ARHGEF40: variants seen among roughly 807,000 people sequenced by gnomAD.
ARHGEF40 encodes Rho guanine nucleotide exchange factor 40, also known as Rho guanine nucleotide exchange factor (GEF) 40.
ARHGEF40 carries 98 observed loss-of-function variants against 165.9 expected under a neutral mutation model. That is an observed-to-expected ratio of 0.59 (90% CI 0.50 to 0.70). The LOEUF is 0.70. Ranked by LOEUF, ARHGEF40 falls within the 30% of genes least tolerant of loss-of-function variation. The pLI is 0.00. For missense variants in ARHGEF40, 1,815 were observed against 1,968.0 expected, an observed-to-expected ratio of 0.92 and a Z score of 1.47; for synonymous variants, 792 against 814.3, an observed-to-expected ratio of 0.97 and a Z score of 0.47.
intron 21 of ARHGEF40, 123 bp from the exon 22 acceptor site, chr14:21,087,845 C>T (rs1284675931): frequency 1.5e-6 from 2 of 1,348,222 alleles, no homozygotes; most frequent in Non-Finnish European, 2.1e-6. Context: ...GCAACTGGAT[C>T]GCTATGGTGA....
chr14:21,067,563 A>G (rs1320140276), upstream of ARHGEF40, among the ~76,000 whole-genome samples: 1 of 152,206 alleles, frequency 6.6e-6, no homozygotes. Context: ...AATAAGCTGC[A>G]ATTTCTTCTG....
chr14:21,082,717 C>T, intron 15 of ARHGEF40, 114 bp from the exon 16 acceptor site: 6 of 1,183,580 alleles, frequency 5.1e-6, no homozygotes, highest in Non-Finnish European at 7.3e-6. Context: ...AGGCTGAGTG[C>T]TCCCTGGTGA....
upstream of ARHGEF40, among the ~76,000 whole-genome samples, chr14:21,070,115 G>T (rs958989664): frequency 6.6e-6 from 1 of 151,758 alleles, no homozygotes; most frequent in Non-Finnish European, 1.5e-5. This position sits in a 1 kb window ranked among gnomAD's most constrained non-coding sequence, Gnocchi z 4.7. Flanking sequence ...GGCTGGGGAC[G>T]CCCGGGGAAC....
the ARHGEF40 span, among the ~76,000 whole-genome samples, chr14:21,063,858 A>G: frequency 6.6e-6 from 1 of 152,228 alleles, no homozygotes; most frequent in Non-Finnish European, 1.5e-5. Context: ...AAAATTTTTC[A>G]GTGAGAGGGA....
chr14:21,067,526 G>A (rs1327220618), upstream of ARHGEF40, among the ~76,000 whole-genome samples: 2 of 152,228 alleles, frequency 1.3e-5, no homozygotes, highest in African/African-American at 4.8e-5. Context: ...CATTTACTGT[G>A]TAGCTTAGAG....
rs1233548207 is a variant in ARHGEF40 at position 21,075,806 on chromosome 14, C to T, written c.1739+41C>T. On this transcript the variant is annotated intron_variant, in intron 5 of 23. Coordinates refer to ENST00000298694, the MANE Select transcript of ARHGEF40 (RefSeq NM_018071.5). This position sits in a 1 kb window ranked among gnomAD's most constrained non-coding sequence, Gnocchi z 4.5. ...TCCTGGCACCCTGGACACTAACCTC[C>T]TGATTCATGAGGACCCTCACCTCCT... is the stretch of plus-strand genomic sequence containing the variant. The T allele has an allele frequency of 6.3e-7, 1 of 1,595,252 alleles. No homozygotes were observed.
Position 21,084,057 on chromosome 14 carries a change from C to G in ARHGEF40, c.3789+7C>G. The stretch of plus-strand genomic sequence containing the variant: ...GGCGGTGCGTGGCTGTGAGGTGAGG[C>G]CCTAGCTCCAGTCACTGCTGCTCAA... On this transcript the variant is annotated splice_region_variant and intron_variant, in intron 17 of 23. Transcript: ENST00000298694. The G allele has an allele frequency of 6.3e-7, 1 of 1,597,022 alleles. No individual in the cohort carries two copies. The highest frequency in any genetic ancestry group is 8.5e-7 in the Non-Finnish European group (1 of 1,172,390).
Position 21,076,548 on chromosome 14 carries a change from C to G in ARHGEF40, c.1837-15C>G. The G allele has an allele frequency of 6.2e-7, 1 of 1,614,170 alleles. No homozygotes were observed. Among genetic ancestry groups the G allele is most frequent in the Middle Eastern group, 1.6e-4 (1 of 6,062 alleles). Reference sequence around the variant, plus strand: ...CCCGATTGCCCAGTTTAGGGTTATTCTTTTCTGCCCTTAGGACTCAGGAGA... The same window carrying G: ...CCCGATTGCCCAGTTTAGGGTTATTGTTTTCTGCCCTTAGGACTCAGGAGA... On this transcript the variant is annotated splice_polypyrimidine_tract_variant and intron_variant, in intron 6 of 23. Coordinates refer to ENST00000298694, the MANE Select transcript of ARHGEF40 (RefSeq NM_018071.5).
In ARHGEF40 at chr14:21,081,558, C is replaced by G; in HGVS notation, c.2690C>G (p.Pro897Arg). 2 of 1,612,956 alleles carry G rather than the reference C, an allele frequency of 1.2e-6. No individual in the cohort carries two copies. The highest frequency in any genetic ancestry group is 1.7e-6 in the Non-Finnish European group (2 of 1,179,878). Residue 897 changes from proline (P) to arginine (R), a missense_variant, in exon 14 of 24, where the codon CCG becomes CGG. Physicochemically the swap from Pro to Arg is moderately radical, Grantham distance 103. Transcript: ENST00000298694. ...TTTGCTCGGCTGGCAGGAGCTGGGC[C>G]GGGTCGGGAGGCTGTGCTGGCTGCA... ...EGFARLAGAG[P>R]GREAVLAALA...
At position 21,073,162 on chromosome 14, in the gene ARHGEF40, C is replaced by T. The variant is rs755695195; in HGVS notation, c.121C>T (p.Arg41Trp). 13 of 1,613,994 alleles carry T rather than the reference C, an allele frequency of 8.1e-6. No homozygotes were observed. The highest frequency in any genetic ancestry group is 1.3e-5 in the African/African-American group (1 of 74,902). The change falls in exon 2 of 24, where the codon CGG (arginine) becomes TGG (tryptophan). Residue 41 changes from arginine (R) to tryptophan (W), a missense_variant. By Grantham distance (101) the Arg-to-Trp change is moderately radical. Transcript: ENST00000298694. This position sits in a 1 kb window ranked among gnomAD's most constrained non-coding sequence, Gnocchi z 4.6. ...GTTCCAGGTGGTGGAGAGGACTTAT[C>T]GGGAGGACGCACTGAGGTACACGCT... ...QVFQVVERTY[R>W]EDALRYTLDF... is the part of the protein sequence containing the mutation.
chr14:21,087,745 C>T (rs1324182498), intron 21 of ARHGEF40: 18 of 703,442 alleles, frequency 2.6e-5, no homozygotes, highest in East Asian at 7.8e-5. Flanking sequence ...TGGTTCACCA[C>T]GGCAATCCTT....
At chr14:21,065,918 G>T (rs895595242), upstream of ARHGEF40, among the ~76,000 whole-genome samples, 9 of 152,200 alleles carry the variant, frequency 5.9e-5, no homozygotes, top group African/African-American at 1.7e-4. Flanking sequence ...GGCCAACATG[G>T]TGAAACCCTG....
rs759257621 is a variant in ARHGEF40 at position 21,083,918 on chromosome 14, G to A, written c.3657G>A (p.Glu1219=). The change falls in exon 17 of 24, where the codon GAG becomes GAA. Residue 1219 remains glutamate (E), a synonymous_variant. Coordinates refer to ENST00000298694, the MANE Select transcript of ARHGEF40 (RefSeq NM_018071.5). ...EQLTRYGRLL[E]ELLREAGPEL... Reference sequence around the variant, plus strand: ...TGACTCGGTATGGGCGGCTCCTGGAGGAGCTCCTGAGGGAAGCTGGGCCTG... The same window carrying A: ...TGACTCGGTATGGGCGGCTCCTGGAAGAGCTCCTGAGGGAAGCTGGGCCTG... The A allele has an allele frequency of 3.5e-5, 57 of 1,614,014 alleles. No individual in the cohort carries two copies. In the South Asian group the frequency reaches 6.3e-4, roughly 18 times the overall value.
chr14:21,061,983 T>G, the ARHGEF40 span, among the ~76,000 whole-genome samples: 3 of 152,328 alleles, frequency 2.0e-5, no homozygotes, highest in Non-Finnish European at 4.4e-5. Context: ...TTATAAAATA[T>G]CTCTTTTAAT....
At position 21,070,718 on chromosome 14, in the gene ARHGEF40, G is replaced by T; in HGVS notation, c.3+319G>T. The stretch of plus-strand genomic sequence containing the variant: ...TCCTGACCTGTGCCTTCCTTTCCTG[G>T]AGCTTCCCTCCCCCTCCTGGTCCGA... On this transcript the variant is annotated intron_variant, in intron 1 of 23. Coordinates refer to ENST00000298694, the MANE Select transcript of ARHGEF40 (RefSeq NM_018071.5). The surrounding 1 kb of genome is among the most constrained non-coding windows in gnomAD (Gnocchi z 4.7). 7.8e-7 allele frequency: 1 copy of T among 1,277,944 alleles called. No individual in the cohort carries two copies. Among genetic ancestry groups the T allele is most frequent in the Non-Finnish European group, 1.1e-6 (1 of 920,606 alleles). The allele number at this position is 1,277,944 out of a possible 1,614,324, so 79.2% of individuals were successfully genotyped here. A position where few individuals can be genotyped will look rare whatever the true frequency, so the allele number is the denominator to read the frequency against.
At chr14:21,069,947 A>T (rs1368362753), upstream of ARHGEF40, among the ~76,000 whole-genome samples, 3 of 152,214 alleles carry the variant, frequency 2.0e-5, no homozygotes, top group Admixed American at 6.5e-5. Flanking sequence ...CCTTTGGAGC[A>T]TCCCTTGCCG....
At chr14:21,063,291 A>C in the ARHGEF40 span, among the ~76,000 whole-genome samples, 1 of 152,174 alleles carries the variant, frequency 6.6e-6, no homozygotes, top group African/African-American at 2.4e-5. Context: ...AGTTCTGTTA[A>C]TGGAATTAGG....
chr14:21,076,291 G>C, intron 5 of ARHGEF40, 69 bp from the exon 6 acceptor site: 1 of 1,301,940 alleles, frequency 7.7e-7, no homozygotes, highest in Non-Finnish European at 1.1e-6. Flanking sequence ...CCGTATGTCT[G>C]CCTTGCCTTA....
chr14:21,074,493 A>G lies in ARHGEF40; in HGVS notation c.763A>G (p.Ser255Gly). Residue 255 changes from serine (S) to glycine (G), a missense_variant, in exon 3 of 24, where the codon AGC becomes GGC. By Grantham distance (56) the Ser-to-Gly change is moderately conservative. Coordinates refer to ENST00000298694, the MANE Select transcript of ARHGEF40 (RefSeq NM_018071.5). The surrounding 1 kb of genome is among the most constrained non-coding windows in gnomAD (Gnocchi z 4.8). ...AGAGGTGACGCTGCCCGTGAGGGGGAGCCCAACAGATGCTGAAGGCTCCCC... is the reference window on the plus strand; with the variant it reads ...AGAGGTGACGCTGCCCGTGAGGGGGGGCCCAACAGATGCTGAAGGCTCCCC... ...LLEVTLPVRG[S>G]PTDAEGSPGL... 6.4e-7 allele frequency: 1 copy of G among 1,556,164 alleles called. No individual in the cohort carries two copies. Among genetic ancestry groups the G allele is most frequent in the Non-Finnish European group, 8.7e-7 (1 of 1,150,380 alleles).
Sources: allele counts gnomAD v4.1 joint callset (sites outside exome capture counted in the v4.1 genomes callset), GRCh38; gene constraint gnomAD v4.1.1; non-coding constraint Gnocchi (gnomAD v3.1); transcripts MANE v1.5; gene names NCBI Gene and HGNC (gene_info 2026-07-23, HGNC 2026-07-21).